The following TSPAN18 variants were observed in gnomAD, a reference collection of about 807,000 sequenced individuals.
TSPAN18 encodes the protein tetraspanin 18.
TSPAN18 carries 14 observed loss-of-function variants against 27.3 expected under a neutral mutation model. That is an observed-to-expected ratio of 0.51 (90% CI 0.34 to 0.80). The LOEUF is 0.80. Among genes scored for constraint, TSPAN18 ranks in the 30% least tolerant of loss-of-function variants. The pLI is 0.01. For missense variants in TSPAN18, 268 were observed against 323.9 expected (o/e 0.83, Z 1.32); for synonymous variants, 143 against 136.5 (o/e 1.05, Z -0.33).
chr11:44,876,951 A>C (rs1279116327), intron 3 of TSPAN18, among the ~76,000 whole-genome samples: 2 of 152,220 alleles, frequency 1.3e-5, no homozygotes, highest in Admixed American at 6.5e-5. Context: ...GACTGGGAAG[A>C]GCCCACCAGG....
At chr11:44,762,835 C>T (rs576795565) in intron 1 of TSPAN18, among the ~76,000 whole-genome samples, 71 of 152,252 alleles carry the variant, frequency 4.7e-4, no homozygotes, top group Non-Finnish European at 9.0e-4. Flanking sequence ...CAGAGACTCC[C>T]TTGCATGCCT....
chr11:44,834,199 T>A (rs4755900), intron 2 of TSPAN18, among the ~76,000 whole-genome samples: 28,160 of 151,772 alleles, frequency 0.19, 3,484 homozygotes, highest in Non-Finnish European at 0.28. Context: ...GTGGGGGGCT[T>A]GGGACACAGA....
At chr11:44,924,156 C>G (rs1419109451) in intron 8 of TSPAN18, among the ~76,000 whole-genome samples, 2 of 145,546 alleles carry the variant, frequency 1.4e-5, no homozygotes, top group Non-Finnish European at 3.0e-5. Context: ...ACACCCAACT[C>G]TATGCTCAGA....
In TSPAN18 at chr11:44,906,598, G is replaced by C. The variant is rs551184827; in HGVS notation, c.63+119G>C. 3 of 949,940 alleles carry C rather than the reference G, an allele frequency of 3.2e-6. No individual in the cohort carries two copies. The East Asian group carries it at 7.6e-5, about 24-fold the overall frequency. The allele number at this position is 949,940 out of a possible 1,614,324, so 58.8% of individuals were successfully genotyped here. On this transcript the variant is annotated intron_variant, in intron 4 of 9. Coordinates refer to ENST00000520358, the MANE Select transcript of TSPAN18 (RefSeq NM_130783.5). The stretch of plus-strand genomic sequence containing the variant: ...GCACAGGGGCCGGCGCTAGAGGCAG[G>C]GGTACCTGCCAGCCAGGCTTTCATG...
chr11:44,808,098 A>AT (rs1304392755), intron 2 of TSPAN18, among the ~76,000 whole-genome samples: 5 of 151,956 alleles, frequency 3.3e-5, no homozygotes, highest in South Asian at 4.2e-4. Context: ...CTTTGGTTTG[A>AT]TTTTTTTTGT....
Position 44,909,710 on chromosome 11 carries a change from C to T in TSPAN18, c.69C>T (p.Gly23=), listed in dbSNP as rs777023099. 28 of 1,609,662 alleles carry T rather than the reference C, an allele frequency of 1.7e-5. No individual in the cohort carries two copies. Among genetic ancestry groups the T allele is most frequent in the Middle Eastern group, 1.7e-4 (1 of 6,020 alleles). Residue 23 remains glycine, a synonymous_variant, in exon 5 of 10, where the codon GGC becomes GGT. Transcript: ENST00000520358. ...MFVFNFFIFL[G]GACLLAIGIW... The stretch of plus-strand genomic sequence containing the variant: ...TCCTCCACTGGCCCGAGCAGCTGGG[C>T]GGGGCCTGCCTGCTGGCCATCGGCA...
intron 2 of TSPAN18, among the ~76,000 whole-genome samples, chr11:44,790,332 C>T (rs1856173536): frequency 1.4e-5 from 2 of 140,956 alleles, no homozygotes; most frequent in African/African-American, 2.7e-5. Context: ...CTTGTGCACG[C>T]ATGTGTGCAT....
At chr11:44,735,649 C>T (rs1348534508) in intron 1 of TSPAN18, among the ~76,000 whole-genome samples, 3 of 149,996 alleles carry the variant, frequency 2.0e-5, no homozygotes, top group East Asian at 2.0e-4. Flanking sequence ...GGCGGAGTCT[C>T]GCTCTGTCAC....
At chr11:44,901,191 C>T (rs1056228421) in intron 3 of TSPAN18, 3 of 152,188 alleles carry the variant, frequency 2.0e-5, no homozygotes, top group Non-Finnish European at 4.4e-5. Context: ...CCCCCAGGCT[C>T]ACATCATCTA....
rs1860558828 is a variant in TSPAN18 at position 44,931,436 on chromosome 11, CAG to C, written c.*2261_*2262del. ...CCAGGCTTCTGGGGCCCACAGAAGT[CAG>C]AGGGAGGACCCAAGAGAAAGGGCTG... On this transcript the variant is annotated 3_prime_UTR_variant, in exon 10 of 10. Transcript: ENST00000520358. 1 of 155,276 alleles carries C rather than the reference CAG, an allele frequency of 6.4e-6. No homozygotes were observed. The highest frequency in any genetic ancestry group is 2.0e-4 in the South Asian group (1 of 5,068). The allele number at this position is 155,276 out of a possible 1,614,324, so 9.6% of individuals were successfully genotyped here. A position where few individuals can be genotyped will look rare whatever the true frequency, so the allele number is the denominator to read the frequency against.
chr11:44,856,201 T>G (rs1414800137), intron 2 of TSPAN18, among the ~76,000 whole-genome samples: 1 of 152,112 alleles, frequency 6.6e-6, no homozygotes, highest in Non-Finnish European at 1.5e-5. Context: ...GCTTTTAATC[T>G]CCTGGAAGCA....
At chr11:44,774,396 A>G (rs1460117964) in intron 2 of TSPAN18, among the ~76,000 whole-genome samples, 1 of 152,214 alleles carries the variant, frequency 6.6e-6, no homozygotes, top group African/African-American at 2.4e-5. Context: ...GTAAATGCAG[A>G]GGAAGTGATG....
At chr11:44,869,555 G>T (rs1858134848) in intron 3 of TSPAN18, among the ~76,000 whole-genome samples, 1 of 152,208 alleles carries the variant, frequency 6.6e-6, no homozygotes, top group Admixed American at 6.5e-5. Flanking sequence ...AATAGTATCA[G>T]CAGGATAAAT....
intron 2 of TSPAN18, among the ~76,000 whole-genome samples, chr11:44,825,059 C>T (rs1252498794): frequency 6.6e-6 from 1 of 152,166 alleles, no homozygotes; most frequent in Non-Finnish European, 1.5e-5. Context: ...GCTTTACCTT[C>T]CTTTTATAGG....
chr11:44,869,177 A>C (rs12802407), intron 3 of TSPAN18, among the ~76,000 whole-genome samples: 69,926 of 152,162 alleles, frequency 0.46, 17,430 homozygotes, highest in Non-Finnish European at 0.56. Flanking sequence ...GAGGGATTTT[A>C]AGGTGATCGG....
intron 2 of TSPAN18, among the ~76,000 whole-genome samples, chr11:44,773,516 AT>A (rs1413693160): frequency 6.6e-6 from 1 of 151,982 alleles, no homozygotes; most frequent in African/African-American, 2.4e-5. Flanking sequence ...AAAGCAGAGC[AT>A]TTTATCACCG....
At chr11:44,914,439 G>A (rs1461076535) in intron 5 of TSPAN18, among the ~76,000 whole-genome samples, 1 of 152,210 alleles carries the variant, frequency 6.6e-6, no homozygotes, top group African/African-American at 2.4e-5. Flanking sequence ...CCCAGCCATA[G>A]TGTTGCATTC....
At chr11:44,758,050 T>C (rs1210985958) in intron 1 of TSPAN18, among the ~76,000 whole-genome samples, 1 of 152,210 alleles carries the variant, frequency 6.6e-6, no homozygotes, top group East Asian at 1.9e-4. Context: ...CAAAATCCAA[T>C]GTCAAATTGC....
intron 2 of TSPAN18, among the ~76,000 whole-genome samples, chr11:44,846,884 A>G (rs1164325025): frequency 6.6e-6 from 1 of 152,168 alleles, no homozygotes; most frequent in African/African-American, 2.4e-5. Flanking sequence ...CCAGCCTATT[A>G]AAAACCATCA....
Sources: gnomAD v4.1 joint callset for allele counts (sites outside exome capture counted in the v4.1 genomes callset) on GRCh38, gnomAD v4.1.1 for gene constraint, MANE v1.5 for transcripts, NCBI Gene and HGNC (gene_info 2026-07-23, HGNC 2026-07-21) for gene names.